The following GSTZ1 variants were observed in gnomAD, a reference collection of about 807,000 sequenced individuals.
The protein encoded by GSTZ1 is maleylacetoacetate isomerase.
Under a neutral mutation model 35.9 loss-of-function variants are expected in GSTZ1, and 34 were observed. The ratio of observed to expected loss-of-function variants is 0.95; its 90% CI spans 0.72 to 1.26. The LOEUF (loss-of-function observed/expected upper bound fraction) is 1.26. Among genes scored for constraint, GSTZ1 ranks in the 50% most tolerant of loss-of-function variants. The probability of loss-of-function intolerance (pLI) is 0.00; values close to 1 mark genes in which losing one functional copy is unlikely to be tolerated. For missense variants in GSTZ1, 263 were observed against 271.7 expected (o/e 0.97, Z 0.23); for synonymous variants, 93 against 101.2 (o/e 0.92, Z 0.49).
At chr14:77,330,154 A>G (rs1484682895) in intron 7 of GSTZ1, 156 bp from the exon 8 acceptor site, 2 of 775,694 alleles carry the variant, frequency 2.6e-6, no homozygotes, top group East Asian at 4.9e-5. Context: ...GGACAGACTC[A>G]TGCAGGCCTA....
chr14:77,324,674 C>T, intron 1 of GSTZ1, 196 bp from the exon 2 acceptor site: 1 of 1,351,914 alleles, frequency 7.4e-7, no homozygotes, highest in South Asian at 1.2e-5. Flanking sequence ...TCTTGGACCT[C>T]AGGAGCTCAA....
At chr14:77,322,562 C>A (rs1892076214) in intron 1 of GSTZ1, 8 of 981,318 alleles carry the variant, frequency 8.2e-6, no homozygotes, top group Admixed American at 6.1e-5. Context: ...ACCAGCAGTC[C>A]CTGTCCCTTG....
In GSTZ1 at chr14:77,331,294, C is replaced by T; in HGVS notation, c.*99C>T. ...GAGTCTTAATTGAGGAGATGGGAGA[C>T]TCGAACTCTAGCCCTGGATCTGCCT... On this transcript the variant is annotated 3_prime_UTR_variant, in exon 9 of 9. Coordinates refer to ENST00000216465, the MANE Select transcript of GSTZ1 (RefSeq NM_145870.3). The T allele has an allele frequency of 1.5e-6, 2 of 1,351,900 alleles. No homozygotes were observed. Among genetic ancestry groups the T allele is most frequent in the South Asian group, 2.8e-5 (2 of 71,270 alleles). 83.7% of individuals were successfully genotyped at this position (1,351,900 alleles called of 1,614,324 possible).
chr14:77,323,324 A>C (rs965057866), intron 1 of GSTZ1: 2 of 152,026 alleles, frequency 1.3e-5, no homozygotes, highest in African/African-American at 4.8e-5. Context: ...ATAAAATATC[A>C]TGATTTTTAT....
At chr14:77,324,720 C>G in intron 1 of GSTZ1, 150 bp from the exon 2 acceptor site, 1 of 1,142,292 alleles carries the variant, frequency 8.8e-7, no homozygotes, top group Non-Finnish European at 1.3e-6. Flanking sequence ...ACCTCATGAG[C>G]CTCTCAGAGA....
intron 3 of GSTZ1, 38 bp from the exon 4 acceptor site, chr14:77,327,434 G>T (rs759912160): frequency 1.4e-6 from 2 of 1,408,150 alleles, no homozygotes; most frequent in East Asian, 4.6e-5. Flanking sequence ...GCCAACTCAG[G>T]CCAGGCCACC....
chr14:77,330,484 C>A (rs1472620456), intron 8 of GSTZ1, 125 bp downstream of exon 8: 4 of 783,792 alleles, frequency 5.1e-6, no homozygotes, highest in Non-Finnish European at 9.1e-6. Flanking sequence ...CCATGCCAGG[C>A]CACATAGCCA....
At chr14:77,324,509 T>C (rs976738851) in intron 1 of GSTZ1, 2 of 1,123,432 alleles carry the variant, frequency 1.8e-6, no homozygotes, top group African/African-American at 3.1e-5. Flanking sequence ...GCTTCCCCAT[T>C]GGCTCCTGAA....
intron 2 of GSTZ1, chr14:77,326,599 C>A: frequency 2.1e-6 from 1 of 484,172 alleles, no homozygotes; most frequent in Non-Finnish European, 3.8e-6. Flanking sequence ...GGGTCCAGAT[C>A]TTGAGGTCTC....
At chr14:77,327,625 C>T in intron 4 of GSTZ1, 73 bp downstream of exon 4, 7 of 1,003,428 alleles carry the variant, frequency 7.0e-6, no homozygotes, top group South Asian at 4.1e-5. Flanking sequence ...ATCTCTTCCT[C>T]GCCTGTGTAC....
chr14:77,330,140 C>CG, intron 7 of GSTZ1, 170 bp from the exon 8 acceptor site: 1 of 753,688 alleles, frequency 1.3e-6, no homozygotes, highest in Admixed American at 1.8e-5. Context: ...ACTTCAGCTC[C>CG]GGGGGACAGA....
chr14:77,327,621 TC>T (rs955657957), intron 4 of GSTZ1, 69 bp downstream of exon 4: 1 of 1,041,968 alleles, frequency 9.6e-7, no homozygotes, highest in Admixed American at 2.0e-5. Flanking sequence ...TGACATCTCT[TC>T]CTCGCCTGTG....
chr14:77,328,896 G>A, intron 5 of GSTZ1: 1 of 584,470 alleles, frequency 1.7e-6, no homozygotes, highest in Non-Finnish European at 3.1e-6. Context: ...GAATCACGTG[G>A]CTTTTTGAGG....
rs1892621872 is a variant in GSTZ1 at position 77,331,391 on chromosome 14, G to C, written c.*196G>C. On this transcript the variant is annotated 3_prime_UTR_variant, in exon 9 of 9. Coordinates refer to ENST00000216465, the MANE Select transcript of GSTZ1 (RefSeq NM_145870.3). ...ATGTGGGGTGGAGTAGGGAGATGCG[G>C]GGAGCAGGGTGGGCAGGAATACTGT... 1 of 595,276 alleles carries C rather than the reference G, an allele frequency of 1.7e-6. No homozygotes were observed. Among genetic ancestry groups the C allele is most frequent in the African/African-American group, 1.8e-5 (1 of 54,300 alleles). 36.9% of individuals were successfully genotyped at this position (595,276 alleles called of 1,614,324 possible).
chr14:77,324,483 A>G lies in GSTZ1; in HGVS notation c.16-387A>G, dbSNP rs1347044675. Reference sequence around the variant, plus strand: ...TCTGACCAGAGTCAAAGTTCCCCCAATGCCTGGGTAGCCCAGCTTCCCCAT... The same window carrying G: ...TCTGACCAGAGTCAAAGTTCCCCCAGTGCCTGGGTAGCCCAGCTTCCCCAT... On this transcript the variant is annotated intron_variant, in intron 1 of 8. Coordinates refer to ENST00000216465, the MANE Select transcript of GSTZ1 (RefSeq NM_145870.3). 51 of 849,260 alleles carry G rather than the reference A, an allele frequency of 6.0e-5. No homozygotes were observed. In the South Asian group the frequency reaches 6.1e-4, roughly 10 times the overall value. 52.6% of individuals were successfully genotyped at this position (849,260 alleles called of 1,614,324 possible). A position where few individuals can be genotyped will look rare whatever the true frequency, so the allele number is the denominator to read the frequency against.
At chr14:77,322,544 T>C (rs990554342) in intron 1 of GSTZ1, 1 of 968,922 alleles carries the variant, frequency 1.0e-6, no homozygotes, top group African/African-American at 1.8e-5. Context: ...TGCCACACTC[T>C]AGTGGTCACC....
intron 1 of GSTZ1, chr14:77,324,087 G>A (rs1349588936): frequency 1.2e-5 from 2 of 169,048 alleles, no homozygotes; most frequent in South Asian, 1.4e-4. Flanking sequence ...ACGCTCTGTT[G>A]GGGGGACACC....
At chr14:77,326,365 TCTGTGTGTG>T (rs60499081) in intron 2 of GSTZ1, 9,432 of 155,812 alleles carry the variant, frequency 0.061, 461 homozygotes, top group African/African-American at 0.13. Context: ...GTGCCATCTG[TCTGTGTGTG>T]CTGTGTGTGG....
intron 1 of GSTZ1, among the ~76,000 whole-genome samples, chr14:77,322,366 G>T (rs1419470900): frequency 6.6e-6 from 1 of 152,204 alleles, no homozygotes; most frequent in African/African-American, 2.4e-5. Context: ...GTAAGAGAAG[G>T]CAGAAATTGC....
Sources: allele counts gnomAD v4.1 joint callset (sites outside exome capture counted in the v4.1 genomes callset), GRCh38; gene constraint gnomAD v4.1.1; transcripts MANE v1.5; gene names NCBI Gene and HGNC (gene_info 2026-07-23, HGNC 2026-07-21).